PRR15L: variants seen among roughly 807,000 people sequenced by gnomAD.
PRR15L encodes proline rich 15 like, also known as proline-rich protein 15-like protein.
Under a neutral mutation model 3.7 loss-of-function variants are expected in PRR15L, and 1 was observed. The observed-to-expected ratio is 0.27, with a 90% confidence interval of 0.09 to 1.27. PRR15L has a LOEUF of 1.27. PRR15L is among the 50% of genes most tolerant of loss of function. The pLI, the probability that PRR15L is intolerant of heterozygous loss-of-function variation, is 0.47. For synonymous variants in PRR15L, 57 were observed against 51.9 expected (o/e 1.10, Z -0.42); for missense variants, 127 against 128.7 (o/e 0.99, Z 0.06).
Position 47,957,682 on chromosome 17 carries a change from G to C in PRR15L, c.-55C>G, listed in dbSNP as rs1317934218. ...CTGTAATCCCGACTGCTCCAGGCTGGAGGTGAGACCTTTCCTAGAGAAGCA... is the reference window on the plus strand; with the variant it reads ...CTGTAATCCCGACTGCTCCAGGCTGCAGGTGAGACCTTTCCTAGAGAAGCA... On this transcript the variant is annotated 5_prime_UTR_variant, in exon 1 of 2. Coordinates refer to ENST00000300557, the MANE Select transcript of PRR15L (RefSeq NM_024320.4). 3 of 152,466 alleles carry C rather than the reference G, an allele frequency of 2.0e-5. No individual in the cohort carries two copies. The highest frequency in any genetic ancestry group is 3.4e-3 in the Middle Eastern group (1 of 294). The allele number at this position is 152,466 out of a possible 1,614,324, so 9.4% of individuals were successfully genotyped here. A position where few individuals can be genotyped will look rare whatever the true frequency, so the allele number is the denominator to read the frequency against.
rs147585439 is a variant in PRR15L at position 47,953,034 on chromosome 17, G to A, written c.201C>T (p.His67=). 32 of 1,614,044 alleles carry A rather than the reference G, an allele frequency of 2.0e-5. No homozygotes were observed. Among genetic ancestry groups the A allele is most frequent in the Middle Eastern group, 1.6e-4 (1 of 6,084 alleles). ...AGCGTCCTGAGTTGGAGACCTTGAC[G>A]TGCTTGCCCTTTGTGCTCTTGTCCA... is the stretch of plus-strand genomic sequence containing the variant. The part of the protein sequence containing the change: ...KIVDKSTKGK[H]VKVSNSGRFK... The change falls in exon 2 of 2, where the codon CAC becomes CAT. Residue 67 remains histidine (H), a synonymous_variant. Transcript: ENST00000300557.
Position 47,953,121 on chromosome 17 carries a change from T to A in PRR15L, c.114A>T (p.Glu38Asp), listed in dbSNP as rs371005182. ...DTYAQTEGDA[E>D]PPRPDAGGPN... ...GGCCTCCAGCGTCAGGCCTCGGGGG[T>A]TCTGCATCTCCCTCTGTTTGGGCAT... The change falls in exon 2 of 2, where the codon GAA becomes GAT. Residue 38 changes from glutamate to aspartate, a missense_variant. Coordinates refer to ENST00000300557, the MANE Select transcript of PRR15L (RefSeq NM_024320.4). 2 of 1,613,918 alleles carry A rather than the reference T, an allele frequency of 1.2e-6. No homozygotes were observed. The highest frequency in any genetic ancestry group is 2.2e-5 in the East Asian group (1 of 44,882).
chr17:47,953,074 C>T lies in PRR15L; in HGVS notation c.161G>A (p.Arg54His), dbSNP rs757671714. ...GCTCTTGTCCACAATCTTCTCCAGG[C>T]GGGTGTTAAAGTCGCTGTTGGGGCC... ...AGGPNSDFNT[R>H]LEKIVDKSTK... The change falls in exon 2 of 2, where the codon CGC becomes CAC. Residue 54 changes from arginine (R) to histidine (H), a missense_variant. Coordinates refer to ENST00000300557, the MANE Select transcript of PRR15L (RefSeq NM_024320.4). The T allele has an allele frequency of 2.0e-5, 33 of 1,614,032 alleles. No homozygotes were observed. The highest frequency in any genetic ancestry group is 9.9e-5 in the South Asian group (9 of 91,094).
At chr17:47,953,560 G>A (rs1320791575) in intron 1 of PRR15L, among the ~76,000 whole-genome samples, 2 of 151,646 alleles carry the variant, frequency 1.3e-5, no homozygotes, top group Non-Finnish European at 2.9e-5. Flanking sequence ...TCGGGTGGCT[G>A]AGGCAGGAAA....
chr17:47,957,437 G>T (rs2036142286), intron 1 of PRR15L, among the ~76,000 whole-genome samples: 1 of 152,204 alleles, frequency 6.6e-6, no homozygotes, highest in Non-Finnish European at 1.5e-5. Flanking sequence ...AGAAGGGTGG[G>T]CTCCAGTTCA....
chr17:47,953,789 C>A (rs2036099541), intron 1 of PRR15L, among the ~76,000 whole-genome samples: 1 of 152,098 alleles, frequency 6.6e-6, no homozygotes, highest in Non-Finnish European at 1.5e-5. Flanking sequence ...AGAAAAGGGT[C>A]AAAGTCAAGG....
At position 47,953,147 on chromosome 17, in the gene PRR15L, A is replaced by G; in HGVS notation, c.88T>C (p.Tyr30His). The change falls in exon 2 of 2, where the codon TAT (tyrosine) becomes CAT (histidine). Residue 30 changes from tyrosine to histidine, a missense_variant. Coordinates refer to ENST00000300557, the MANE Select transcript of PRR15L (RefSeq NM_024320.4). ...TCTGCATCTCCCTCTGTTTGGGCAT[A>G]GGTGTCAGGGATCTCATACAGCACT... is the stretch of plus-strand genomic sequence containing the variant. The part of the protein sequence containing the change: ...PKVLYEIPDT[Y>H]AQTEGDAEPP... 6.2e-7 allele frequency: 1 copy of G among 1,613,900 alleles called. No individual in the cohort carries two copies. Among genetic ancestry groups the G allele is most frequent in the Non-Finnish European group, 8.5e-7 (1 of 1,179,944 alleles).
rs9908317 is a variant in PRR15L at position 47,953,094 on chromosome 17, G to C, written c.141C>G (p.Pro47=). Residue 47 remains proline, a synonymous_variant, in exon 2 of 2, where the codon CCC becomes CCG. Coordinates refer to ENST00000300557, the MANE Select transcript of PRR15L (RefSeq NM_024320.4). ...CCAGGCGGGTGTTAAAGTCGCTGTT[G>C]GGGCCTCCAGCGTCAGGCCTCGGGG... ...AEPPRPDAGG[P]NSDFNTRLEK... is the part of the protein sequence containing the mutation. 3,744 of 1,614,136 alleles carry C rather than the reference G, an allele frequency of 2.3e-3. 55 individuals are homozygous for C. In the African/African-American group the frequency reaches 0.033, roughly 14 times the overall value.
rs1047856590 is a variant in PRR15L at position 47,951,994 on chromosome 17, C to T, written c.*929G>A. 3 of 152,176 alleles carry T rather than the reference C, an allele frequency of 2.0e-5. No homozygotes were observed. The highest frequency in any genetic ancestry group is 7.2e-5 in the African/African-American group (3 of 41,426). The allele number at this position is 152,176 out of a possible 1,614,324, so 9.4% of individuals were successfully genotyped here. ...TGAGCACAAAGGTCCACTTTACTTA[C>T]ATGAAGGAACATAAAGGCATGAGAA... On this transcript the variant is annotated 3_prime_UTR_variant, in exon 2 of 2. Coordinates refer to ENST00000300557, the MANE Select transcript of PRR15L (RefSeq NM_024320.4).
intron 1 of PRR15L, among the ~76,000 whole-genome samples, chr17:47,955,395 T>A (rs1377350303): frequency 6.6e-6 from 1 of 152,130 alleles, no homozygotes; most frequent in Non-Finnish European, 1.5e-5. Context: ...ATGAGCTGAA[T>A]GCCTGCATCC....
At chr17:47,955,902 T>C (rs2036123271) in intron 1 of PRR15L, among the ~76,000 whole-genome samples, 1 of 152,238 alleles carries the variant, frequency 6.6e-6, no homozygotes, top group Non-Finnish European at 1.5e-5. Context: ...ATCCAGCTCC[T>C]GAGACTATCA....
Position 47,952,974 on chromosome 17 carries a change from T to G in PRR15L, c.261A>C (p.Ala87=). ...GATCATCAAAGAGGTTAGGGTTCTC[T>G]GCCAGCGTGGCTCTCACTTTCTTCT... ...KEKKKVRATL[A]ENPNLFDDHE... The change falls in exon 2 of 2, where the codon GCA becomes GCC. Residue 87 remains alanine (A), a synonymous_variant. Coordinates refer to ENST00000300557, the MANE Select transcript of PRR15L (RefSeq NM_024320.4). 1 of 1,614,164 alleles carries G rather than the reference T, an allele frequency of 6.2e-7. No homozygotes were observed. Among genetic ancestry groups the G allele is most frequent in the Non-Finnish European group, 8.5e-7 (1 of 1,180,036 alleles).
chr17:47,952,200 C>T lies in PRR15L; in HGVS notation c.*723G>A, dbSNP rs928020245. 1 of 152,082 alleles carries T rather than the reference C, an allele frequency of 6.6e-6. No homozygotes were observed. Among genetic ancestry groups the T allele is most frequent in the Non-Finnish European group, 1.5e-5 (1 of 68,024 alleles). The allele number at this position is 152,082 out of a possible 1,614,324, so 9.4% of individuals were successfully genotyped here. On this transcript the variant is annotated 3_prime_UTR_variant, in exon 2 of 2. Transcript: ENST00000300557. Reference sequence around the variant, plus strand: ...AGTAGGAAAGGGAGAGGAGAAAATTCCCCACCCACTCCCCCGATTTGGCCC... The same window carrying T: ...AGTAGGAAAGGGAGAGGAGAAAATTTCCCACCCACTCCCCCGATTTGGCCC...
intron 1 of PRR15L, among the ~76,000 whole-genome samples, chr17:47,956,452 A>G (rs1311810967): frequency 2.0e-5 from 3 of 152,184 alleles, no homozygotes; most frequent in Non-Finnish European, 4.4e-5. Flanking sequence ...AGCCTGGGCG[A>G]CACAGTGAGA....
At chr17:47,957,302 C>T (rs73985446) in intron 1 of PRR15L, among the ~76,000 whole-genome samples, 1,721 of 152,354 alleles carry the variant, frequency 0.011, 41 homozygotes, top group African/African-American at 0.039. Context: ...GAACTCCCTC[C>T]CCCATCCCTC....
Position 47,953,186 on chromosome 17 carries a change from T to G in PRR15L, c.49A>C (p.Lys17Gln), listed in dbSNP as rs376109930. The change falls in exon 2 of 2, where the codon AAA becomes CAA. Residue 17 changes from lysine (K) to glutamine (Q), a missense_variant. Transcript: ENST00000300557. Reference protein sequence around the residue: ...WWKLTFLRKKKSTPKVLYEIP... With the variant: ...WWKLTFLRKKQSTPKVLYEIP... ...TCATACAGCACTTTGGGAGTGGATT[T>G]CTTTTTCCGGAGGAAAGTCAGCTTC... is the stretch of plus-strand genomic sequence containing the variant. 3.2e-5 allele frequency: 51 copies of G among 1,600,038 alleles called. No homozygotes were observed. Among genetic ancestry groups the G allele is most frequent in the African/African-American group, 4.0e-5 (3 of 74,200 alleles).
intron 1 of PRR15L, among the ~76,000 whole-genome samples, chr17:47,954,121 AGTGGTGACCAGCAGG>A (rs1245912097): frequency 6.6e-6 from 1 of 152,236 alleles, no homozygotes; most frequent in Admixed American, 6.5e-5. Context: ...TGAACTTCCC[AGTGGTGACCAGCAGG>A]GCTAAAGTAA....
intron 1 of PRR15L, among the ~76,000 whole-genome samples, chr17:47,954,680 A>G (rs2036108549): frequency 6.6e-6 from 1 of 152,238 alleles, no homozygotes; most frequent in Non-Finnish European, 1.5e-5. Context: ...TATGTAAGAT[A>G]GAAGCAGATG....
chr17:47,954,466 A>C (rs930625445), intron 1 of PRR15L, among the ~76,000 whole-genome samples: 2 of 152,246 alleles, frequency 1.3e-5, no homozygotes, highest in Non-Finnish European at 2.9e-5. Flanking sequence ...CCAGAAGTAC[A>C]GGGGAGACAT....
Sources: allele counts gnomAD v4.1 joint callset (sites outside exome capture counted in the v4.1 genomes callset), GRCh38; gene constraint gnomAD v4.1.1; transcripts MANE v1.5; gene names NCBI Gene and HGNC (gene_info 2026-07-23, HGNC 2026-07-21).